FHIT: variants seen among roughly 807,000 people sequenced by gnomAD.
FHIT encodes fragile histidine triad diadenosine triphosphatase, also known as bis(5'-adenosyl)-triphosphatase.
FHIT carries 19 observed loss-of-function variants against 17.9 expected under a neutral mutation model. The observed-to-expected ratio is 1.06, with a 90% confidence interval of 0.74 to 1.56. FHIT has a LOEUF of 1.56. Among genes scored for constraint, FHIT ranks in the 40% most tolerant of loss-of-function variants. FHIT has a pLI of 0.00. For synonymous variants in FHIT, 81 were observed against 69.7 expected (o/e 1.16, Z -0.81); for missense variants, 248 against 189.2 (o/e 1.31, Z -1.82).
chr3:60,206,111 CG>C (rs1424076091), intron 5 of FHIT, among the ~76,000 whole-genome samples: 1 of 141,372 alleles, frequency 7.1e-6, no homozygotes, highest in Non-Finnish European at 1.5e-5. Flanking sequence ...CCAGCCTGGG[CG>C]ACACAGCGAG....
intron 5 of FHIT, among the ~76,000 whole-genome samples, chr3:60,370,997 T>C (rs531427825): frequency 6.6e-6 from 1 of 152,350 alleles, no homozygotes; most frequent in African/African-American, 2.4e-5. Flanking sequence ...TTGAAATTGC[T>C]TGGACGTGTC....
intron 5 of FHIT, among the ~76,000 whole-genome samples, chr3:60,463,731 A>G (rs145466059): frequency 1.3e-5 from 2 of 152,238 alleles, no homozygotes; most frequent in African/African-American, 2.4e-5. Flanking sequence ...AAAAACTTAG[A>G]CCAGTTGAAA....
chr3:60,352,401 T>C lies in FHIT; in HGVS notation c.103+184459A>G, dbSNP rs183438321. 2.6e-5 allele frequency among the ~76,000 whole-genome samples: 4 copies of C among 152,350 alleles called. No individual in the cohort carries two copies. In the East Asian group the frequency reaches 7.7e-4, roughly 29 times the overall value. ...AAAGAAATATCACAGGTACTCACTA[T>C]ACCCAGATGTCAAATTCTTTCATAT... is the stretch of plus-strand genomic sequence containing the variant. On this transcript the variant is annotated intron_variant, in intron 5 of 9. Transcript: ENST00000492590.
intron 3 of FHIT, among the ~76,000 whole-genome samples, chr3:60,917,432 T>G (rs1707062802): frequency 6.6e-6 from 1 of 152,216 alleles, no homozygotes; most frequent in Non-Finnish European, 1.5e-5. Flanking sequence ...AAAATATAAA[T>G]CAGATCGCAT....
chr3:59,828,872 T>TGTGC (rs1424487668), intron 8 of FHIT, among the ~76,000 whole-genome samples: 2 of 151,906 alleles, frequency 1.3e-5, no homozygotes, highest in Non-Finnish European at 2.9e-5. Context: ...TGTGTGTGTG[T>TGTGC]GTATCCTACC....
At chr3:60,093,672 C>T (rs59085701) in intron 5 of FHIT, among the ~76,000 whole-genome samples, 9,405 of 152,222 alleles carry the variant, frequency 0.062, 530 homozygotes, top group African/African-American at 0.14. Context: ...TCAGCAGCAG[C>T]ATTCATTTCT....
intron 2 of FHIT, among the ~76,000 whole-genome samples, chr3:61,195,300 G>A (rs2038824715): frequency 6.6e-6 from 1 of 152,022 alleles, no homozygotes; most frequent in Admixed American, 6.6e-5. Flanking sequence ...AAAATGGCCA[G>A]ATGAATTATT....
Position 60,503,026 on chromosome 3 carries a change from G to A in FHIT, c.103+33834C>T, listed in dbSNP as rs1027365499. Among the ~76,000 whole-genome samples, 10 of 152,250 alleles carry A rather than the reference G, an allele frequency of 6.6e-5. 1 individual carries two copies. In the South Asian group the frequency reaches 1.9e-3, roughly 28 times the overall value. ...TGCTTCTCAGAAGCAACAAAACAAC[G>A]AAACTACATTTATGCTGTATTGGTT... On this transcript the variant is annotated intron_variant, in intron 5 of 9. Transcript: ENST00000492590.
At chr3:61,057,064 G>A (rs149577655) in intron 2 of FHIT, among the ~76,000 whole-genome samples, 299 of 152,304 alleles carry the variant, frequency 2.0e-3, no homozygotes, top group African/African-American at 6.8e-3. Context: ...CACAGCCTAG[G>A]CTAACACAAA....
chr3:61,009,928 G>T (rs6782531), intron 3 of FHIT, among the ~76,000 whole-genome samples: 1 of 152,062 alleles, frequency 6.6e-6, no homozygotes, highest in Non-Finnish European at 1.5e-5. Flanking sequence ...CTATTTTGGA[G>T]AGAATTCTAT....
At chr3:60,046,310 G>T (rs903120641) in intron 5 of FHIT, among the ~76,000 whole-genome samples, 1 of 152,162 alleles carries the variant, frequency 6.6e-6, no homozygotes, top group African/African-American at 2.4e-5. Context: ...TCAATAAACA[G>T]GTGGATTTTG....
intron 7 of FHIT, among the ~76,000 whole-genome samples, chr3:59,925,859 T>C (rs115710337): frequency 6.3e-4 from 96 of 152,328 alleles, no homozygotes; most frequent in African/African-American, 2.2e-3. Context: ...CAAAGCCTCA[T>C]TGCTGTGAAA....
intron 5 of FHIT, among the ~76,000 whole-genome samples, chr3:60,327,348 T>C (rs1036685939): frequency 1.3e-5 from 2 of 152,198 alleles, no homozygotes; most frequent in African/African-American, 4.8e-5. Flanking sequence ...TTCAGTAAAG[T>C]GTCAGAGATT....
chr3:60,094,798 T>C (rs6768598), intron 5 of FHIT, among the ~76,000 whole-genome samples: 54,088 of 137,674 alleles, frequency 0.39, 10,241 homozygotes, highest in African/African-American at 0.51. Context: ...ACACAAGGGG[T>C]GGGGGAGAGA....
intron 3 of FHIT, among the ~76,000 whole-genome samples, chr3:60,983,288 G>A (rs960898758): frequency 2.0e-5 from 3 of 152,052 alleles, no homozygotes; most frequent in African/African-American, 2.4e-5. Flanking sequence ...AGGGAGAGAA[G>A]AAGGAAATGA....
At chr3:59,857,522 T>C (rs1250464260) in intron 8 of FHIT, among the ~76,000 whole-genome samples, 1 of 105,774 alleles carries the variant, frequency 9.5e-6, no homozygotes, top group African/African-American at 5.7e-5. Flanking sequence ...CATATTTTCA[T>C]AGGACAAGAT....
chr3:60,095,851 C>T (rs1351811969), intron 5 of FHIT, among the ~76,000 whole-genome samples: 1 of 152,190 alleles, frequency 6.6e-6, no homozygotes, highest in Admixed American at 6.5e-5. Flanking sequence ...AGTTTATTGA[C>T]TTGGTCCAGA....
At chr3:60,013,035 C>T (rs1192641971) in intron 6 of FHIT, among the ~76,000 whole-genome samples, 1 of 152,138 alleles carries the variant, frequency 6.6e-6, no homozygotes, top group Non-Finnish European at 1.5e-5. Flanking sequence ...ACATACAACA[C>T]ATACACACAA....
At chr3:60,250,856 A>G (rs775031031) in intron 5 of FHIT, among the ~76,000 whole-genome samples, 3 of 152,154 alleles carry the variant, frequency 2.0e-5, no homozygotes, top group Non-Finnish European at 4.4e-5. Flanking sequence ...GTGTACAGCA[A>G]TCTCTAAATA....
Sources: allele counts gnomAD v4.1 joint callset (sites outside exome capture counted in the v4.1 genomes callset), GRCh38; gene constraint gnomAD v4.1.1; transcripts MANE v1.5; gene names NCBI Gene and HGNC (gene_info 2026-07-23, HGNC 2026-07-21).